The following C2CD2 variants were observed in gnomAD, a reference collection of about 807,000 sequenced individuals.
C2CD2 encodes the protein C2 domain-containing protein 2.
In C2CD2, 43 loss-of-function variants were observed where a neutral mutation model predicts 74.3. The ratio of observed to expected loss-of-function variants is 0.58; its 90% CI spans 0.45 to 0.75. The LOEUF (loss-of-function observed/expected upper bound fraction) is 0.75, where lower values mean the gene tolerates loss of function less well. Ranked by LOEUF, C2CD2 falls within the 30% of genes least tolerant of loss-of-function variation. C2CD2 has a pLI of 0.00. For missense variants in C2CD2, 801 were observed against 916.3 expected, an observed-to-expected ratio of 0.87 and a Z score of 1.63; for synonymous variants, 422 against 390.7, an observed-to-expected ratio of 1.08 and a Z score of -0.94.
In C2CD2 at chr21:41,892,455, G is replaced by C. The variant is rs1271464359; in HGVS notation, c.1871-3111C>G. On this transcript the variant is annotated intron_variant, in intron 13 of 13. Coordinates refer to ENST00000380486, the MANE Select transcript of C2CD2 (RefSeq NM_015500.2). The surrounding 1 kb of genome is among the most constrained non-coding windows in gnomAD (Gnocchi z 4.6). Reference sequence around the variant, plus strand: ...CCTGGGAGGGGAGGGGGCGCATTTGGCTTAAGGATCCAGGAACGTCCACCA... The same window carrying C: ...CCTGGGAGGGGAGGGGGCGCATTTGCCTTAAGGATCCAGGAACGTCCACCA... 6.6e-6 allele frequency among the ~76,000 whole-genome samples: 1 copy of C among 152,200 alleles called. No individual in the cohort carries two copies. The highest frequency in any genetic ancestry group is 1.5e-5 in the Non-Finnish European group (1 of 68,036).
intron 1 of C2CD2, chr21:41,953,144 T>C (rs750260052): frequency 5.0e-6 from 2 of 396,304 alleles, no homozygotes; most frequent in Admixed American, 4.4e-5. Flanking sequence ...GCCCAGGGCC[T>C]GGAGCACCTG....
At position 41,953,883 on chromosome 21, in the gene C2CD2, G is replaced by GA; in HGVS notation, c.-236_-235insT. On this transcript the variant is annotated 5_prime_UTR_variant, in exon 1 of 14. Coordinates refer to ENST00000380486, the MANE Select transcript of C2CD2 (RefSeq NM_015500.2). ...AGCCCCGCACACCTGCGGAACAGGG[G>GA]CGCGAGCGGACCCCGCGGCCCGCGC... 1 of 231,486 alleles carries GA rather than the reference G, an allele frequency of 4.3e-6. No individual in the cohort carries two copies. Among genetic ancestry groups the GA allele is most frequent in the Non-Finnish European group, 8.1e-6 (1 of 123,082 alleles). The allele number at this position is 231,486 out of a possible 1,614,324, so 14.3% of individuals were successfully genotyped here.
intron 2 of C2CD2, among the ~76,000 whole-genome samples, chr21:41,932,152 C>T (rs982371774): frequency 2.7e-5 from 4 of 149,390 alleles, no homozygotes; most frequent in African/African-American, 7.3e-5. Context: ...TCATGCCTAG[C>T]GAATGAATCC....
At chr21:41,905,670 C>T in intron 11 of C2CD2, 54 bp downstream of exon 11, 1 of 930,444 alleles carries the variant, frequency 1.1e-6, no homozygotes, top group African/African-American at 1.6e-5. Context: ...TCAGAACAGC[C>T]CAAAAGGCCC....
Position 41,889,104 on chromosome 21 carries a change from G to A in C2CD2, c.*20C>T. ...AACATGGGTGCACGTCTTCTGGCTT[G>A]GAGGTGATGACCTCAGGCCCTACGT... On this transcript the variant is annotated 3_prime_UTR_variant, in exon 14 of 14. Transcript: ENST00000380486. 6.3e-7 allele frequency: 1 copy of A among 1,591,804 alleles called. No individual in the cohort carries two copies. Among genetic ancestry groups the A allele is most frequent in the East Asian group, 2.2e-5 (1 of 44,752 alleles).
chr21:41,905,696 G>C, intron 11 of C2CD2, 28 bp downstream of exon 11: 1 of 1,181,056 alleles, frequency 8.5e-7, no homozygotes, highest in Non-Finnish European at 1.3e-6. Context: ...TGCTAAGAGG[G>C]AGAGCGACGT....
At chr21:41,948,884 T>A (rs1161123472) in intron 1 of C2CD2, among the ~76,000 whole-genome samples, 1 of 128,402 alleles carries the variant, frequency 7.8e-6, no homozygotes, top group African/African-American at 2.9e-5. Flanking sequence ...TTTTTTTTTT[T>A]TTTTTTTTCT....
chr21:41,891,092 G>T (rs1289354895), intron 13 of C2CD2, among the ~76,000 whole-genome samples: 2 of 151,994 alleles, frequency 1.3e-5, no homozygotes, highest in African/African-American at 4.8e-5. Flanking sequence ...AGGAGCCTGT[G>T]TGCAGGGGCT....
chr21:41,918,174 C>T lies in C2CD2; in HGVS notation c.651G>A (p.Lys217=). Residue 217 remains lysine (K), a synonymous_variant, in exon 5 of 14, where the codon AAG becomes AAA. Transcript: ENST00000380486. The part of the protein sequence containing the change: ...AMSDVLKDIL[K]HLAGSASPSV... ...ATGGAGAGGCAGAACCAGCCAAATGCTTCAAGATGTCCTTGAGAACGTCAG... is the reference window on the plus strand; with the variant it reads ...ATGGAGAGGCAGAACCAGCCAAATGTTTCAAGATGTCCTTGAGAACGTCAG... 1 of 1,614,168 alleles carries T rather than the reference C, an allele frequency of 6.2e-7. No individual in the cohort carries two copies. The highest frequency in any genetic ancestry group is 8.5e-7 in the Non-Finnish European group (1 of 1,180,016).
intron 1 of C2CD2, among the ~76,000 whole-genome samples, chr21:41,944,517 G>A (rs1467237691): frequency 2.3e-5 from 1 of 44,262 alleles, no homozygotes; most frequent in Non-Finnish European, 3.7e-5. Flanking sequence ...GCGAGACTCT[G>A]CCTCAAAAAA....
At chr21:41,948,171 G>A (rs2146236010) in intron 1 of C2CD2, among the ~76,000 whole-genome samples, 1 of 152,370 alleles carries the variant, frequency 6.6e-6, no homozygotes, top group Non-Finnish European at 1.5e-5. Flanking sequence ...AGGCCTGGCT[G>A]GCTCCCAAGA....
chr21:41,918,878 A>G lies in C2CD2; in HGVS notation c.575T>C (p.Ile192Thr). The part of the protein sequence containing the change: ...FISVPEMAVN[I>T]QPKALGEDQV... ...GACCTCCCCCAGTGCTTTGGGCTGG[A>G]TATTAACGGCCATTTCCGGCACACT... The change falls in exon 4 of 14, where the codon ATC becomes ACC. Residue 192 changes from isoleucine to threonine, a missense_variant. Transcript: ENST00000380486. 6.2e-7 allele frequency: 1 copy of G among 1,614,040 alleles called. No homozygotes were observed. The highest frequency in any genetic ancestry group is 8.5e-7 in the Non-Finnish European group (1 of 1,179,886).
chr21:41,914,828 A>G (rs2065070453), intron 5 of C2CD2, 107 bp from the exon 6 acceptor site: 3 of 954,898 alleles, frequency 3.1e-6, no homozygotes, highest in Non-Finnish European at 4.7e-6. Context: ...TGGGGTGTCT[A>G]CAGGAAAACC....
At chr21:41,897,124 G>C (rs13049118) in intron 13 of C2CD2, among the ~76,000 whole-genome samples, 26,840 of 152,240 alleles carry the variant, frequency 0.18, 3,033 homozygotes, top group East Asian at 0.3. Context: ...CCCGTGAAGG[G>C]AGAGGAGCAG....
rs910959468 is a variant in C2CD2 at position 41,953,757 on chromosome 21, G to A, written c.-109C>T. On this transcript the variant is annotated 5_prime_UTR_variant, in exon 1 of 14. Transcript: ENST00000380486. Reference sequence around the variant, plus strand: ...CCACAGCGCGCTGGGGGCGTGGAGGGGGCGCGGCGGGGTCGGAGCCCGGCG... The same window carrying A: ...CCACAGCGCGCTGGGGGCGTGGAGGAGGCGCGGCGGGGTCGGAGCCCGGCG... 102 of 1,050,840 alleles carry A rather than the reference G, an allele frequency of 9.7e-5. No homozygotes were observed. The highest frequency in any genetic ancestry group is 1.8e-4 in the Admixed American group (4 of 22,556). The allele number at this position is 1,050,840 out of a possible 1,614,324, so 65.1% of individuals were successfully genotyped here. A position where few individuals can be genotyped will look rare whatever the true frequency, so the allele number is the denominator to read the frequency against.
chr21:41,912,075 G>C (rs73363170), intron 7 of C2CD2: 2 of 361,736 alleles, frequency 5.5e-6, no homozygotes, highest in African/African-American at 4.2e-5. Flanking sequence ...GATGATATGT[G>C]TGTCTGTAAG....
rs1054916631 is a variant in C2CD2, at chr21:41,924,672, C to G, written c.379-2587G>C. 2.6e-5 allele frequency among the ~76,000 whole-genome samples: 4 copies of G among 152,010 alleles called. No homozygotes were observed. Among genetic ancestry groups the G allele is most frequent in the Non-Finnish European group, 4.4e-5 (3 of 68,018 alleles). ...ATTCCCTGTCCTTGGTCTCAACAGC[C>G]CACTCCTTTTACTGCTTAAAGTAAA... On this transcript the variant is annotated intron_variant, in intron 2 of 13. Transcript: ENST00000380486. The surrounding 1 kb of genome is among the most constrained non-coding windows in gnomAD (Gnocchi z 4.4).
chr21:41,943,714 G>A (rs1306455567), intron 1 of C2CD2, among the ~76,000 whole-genome samples: 2 of 152,232 alleles, frequency 1.3e-5, no homozygotes, highest in Admixed American at 1.3e-4. Flanking sequence ...AGGTTACGCT[G>A]TGGCTATTTC....
Position 41,912,297 on chromosome 21 carries a change from G to A in C2CD2, c.953+35C>T, listed in dbSNP as rs539566670. The A allele has an allele frequency of 2.2e-4, 288 of 1,335,134 alleles. 3 individuals are homozygous for A. In the South Asian group the frequency reaches 3.1e-3, roughly 14 times the overall value. 82.7% of individuals were successfully genotyped at this position (1,335,134 alleles called of 1,614,324 possible). ...TTGGCGCTCCTGAACAGACACGGCC[G>A]TGGACACACAGGCCCATAACCCGGC... is the stretch of plus-strand genomic sequence containing the variant. On this transcript the variant is annotated intron_variant, in intron 7 of 13. Transcript: ENST00000380486.
Sources: allele counts gnomAD v4.1 joint callset (sites outside exome capture counted in the v4.1 genomes callset), GRCh38; gene constraint gnomAD v4.1.1; non-coding constraint Gnocchi (gnomAD v3.1); transcripts MANE v1.5; gene names NCBI Gene and HGNC (gene_info 2026-07-23, HGNC 2026-07-21).